ATP8B4: variants seen among roughly 807,000 people sequenced by gnomAD.
ATP8B4 encodes the protein probable phospholipid-transporting ATPase IM.
Under a neutral mutation model 145.6 loss-of-function variants are expected in ATP8B4, and 133 were observed. The observed-to-expected ratio is 0.91, with a 90% confidence interval of 0.79 to 1.05. The LOEUF is 1.05. Ranked by LOEUF, ATP8B4 falls within the 50% of genes least tolerant of loss-of-function variation. The pLI, the probability that ATP8B4 is intolerant of heterozygous loss-of-function variation, is 0.00. For synonymous variants in ATP8B4, 507 were observed against 492.9 expected (o/e 1.03, Z -0.38); for missense variants, 1,458 against 1,425.2 (o/e 1.02, Z -0.37).
At chr15:50,106,889 T>G in intron 2 of ATP8B4, 50 bp downstream of exon 2, 1 of 1,540,674 alleles carries the variant, frequency 6.5e-7, no homozygotes, top group Non-Finnish European at 8.8e-7. Flanking sequence ...AAAATTAAAA[T>G]TATATTTTTA....
chr15:50,059,031 A>C (rs1394218139), intron 3 of ATP8B4, among the ~76,000 whole-genome samples: 1 of 152,158 alleles, frequency 6.6e-6, no homozygotes, highest in East Asian at 1.9e-4. Flanking sequence ...ATAAAGTGCC[A>C]ATCTTTAATT....
intron 12 of ATP8B4, among the ~76,000 whole-genome samples, chr15:49,978,841 T>C (rs754658668): frequency 7.3e-5 from 11 of 151,348 alleles, no homozygotes; most frequent in Non-Finnish European, 1.3e-4. Flanking sequence ...TGTGTGTATG[T>C]GTTCTGTTTG....
chr15:49,989,694 G>T (rs917282061), intron 9 of ATP8B4, among the ~76,000 whole-genome samples: 1 of 150,152 alleles, frequency 6.7e-6, no homozygotes, highest in African/African-American at 2.5e-5. Flanking sequence ...GTGTGGTCTC[G>T]GTGATGTAAG....
intron 1 of ATP8B4, among the ~76,000 whole-genome samples, chr15:50,148,224 T>C (rs998400973): frequency 3.3e-5 from 5 of 152,108 alleles, no homozygotes; most frequent in Admixed American, 2.6e-4. Context: ...ACTCCAAAAA[T>C]GTTAATGTCA....
At chr15:49,871,723 T>C (rs997802605) in intron 25 of ATP8B4, among the ~76,000 whole-genome samples, 4 of 152,240 alleles carry the variant, frequency 2.6e-5, no homozygotes, top group Admixed American at 6.5e-5. Context: ...CCGTTAGGAA[T>C]GCAGTGGCAA....
At chr15:49,948,561 A>T (rs2042781933) in intron 14 of ATP8B4, among the ~76,000 whole-genome samples, 1 of 151,828 alleles carries the variant, frequency 6.6e-6, no homozygotes. Flanking sequence ...TAGCCTGTTG[A>T]GCTTTTTTTC....
chr15:50,044,662 A>G lies in ATP8B4; in HGVS notation c.232T>C (p.Phe78Leu). The G allele has an allele frequency of 6.2e-7, 1 of 1,613,574 alleles. No individual in the cohort carries two copies. The change falls in exon 5 of 28, where the codon TTT (phenylalanine) becomes CTT (leucine). Residue 78 changes from phenylalanine (F) to leucine (L), a missense_variant. Transcript: ENST00000284509. Reference sequence around the variant, plus strand: ...AGGACCAAAGGCACAATGGTGGTAAACCAGGTCAAGGAGGAAATTTCTGGA... The same window carrying G: ...AGGACCAAAGGCACAATGGTGGTAAGCCAGGTCAAGGAGGAAATTTCTGGA... ...LIPEISSLTW[F>L]TTIVPLVLVI... is the part of the protein sequence containing the mutation.
At chr15:49,907,189 G>C (rs1302635062) in intron 20 of ATP8B4, among the ~76,000 whole-genome samples, 1 of 152,126 alleles carries the variant, frequency 6.6e-6, no homozygotes, top group Non-Finnish European at 1.5e-5. Context: ...TAACAGGTGA[G>C]GCAATTGTAC....
intron 27 of ATP8B4, among the ~76,000 whole-genome samples, chr15:49,861,468 A>G (rs1277692378): frequency 6.7e-6 from 1 of 149,238 alleles, no homozygotes; most frequent in Non-Finnish European, 1.5e-5. Context: ...CTATCTATCT[A>G]TCTATCTACC....
At chr15:50,128,264 T>C (rs1374777826) in intron 1 of ATP8B4, among the ~76,000 whole-genome samples, 1 of 152,238 alleles carries the variant, frequency 6.6e-6, no homozygotes. Context: ...GAGCTGGCTT[T>C]AGAAACATCC....
chr15:49,927,458 A>G (rs1247871160), intron 16 of ATP8B4, among the ~76,000 whole-genome samples: 2 of 152,088 alleles, frequency 1.3e-5, no homozygotes, highest in African/African-American at 4.8e-5. Flanking sequence ...TCATGCAAAG[A>G]CTTTTCTGCC....
intron 14 of ATP8B4, among the ~76,000 whole-genome samples, chr15:49,946,638 C>T (rs893733156): frequency 5.3e-5 from 8 of 151,800 alleles, no homozygotes; most frequent in Admixed American, 2.0e-4. Flanking sequence ...CTGACTCTTC[C>T]TTCCTGTTTC....
At chr15:50,162,895 T>C (rs1057241008) in intron 1 of ATP8B4, among the ~76,000 whole-genome samples, 1 of 152,336 alleles carries the variant, frequency 6.6e-6, no homozygotes, top group South Asian at 2.1e-4. Context: ...TGATCAAGTC[T>C]GCTGTTAAGA....
chr15:50,054,210 C>G (rs1475649687), intron 3 of ATP8B4, among the ~76,000 whole-genome samples: 1 of 152,182 alleles, frequency 6.6e-6, no homozygotes, highest in Non-Finnish European at 1.5e-5. Flanking sequence ...ATGCTACTTG[C>G]CCAACATGAG....
intron 14 of ATP8B4, among the ~76,000 whole-genome samples, chr15:49,956,788 C>G (rs1439507185): frequency 1.3e-5 from 2 of 152,114 alleles, no homozygotes. Context: ...CTCAAACAAT[C>G]CTCCCACCTC....
chr15:50,103,735 T>C (rs2056509610), intron 2 of ATP8B4, among the ~76,000 whole-genome samples: 1 of 151,924 alleles, frequency 6.6e-6, no homozygotes, highest in Admixed American at 6.6e-5. Flanking sequence ...AAAACAATAC[T>C]AAAATTCATG....
intron 1 of ATP8B4, among the ~76,000 whole-genome samples, chr15:50,142,570 A>G (rs1322972856): frequency 2.0e-5 from 3 of 152,182 alleles, no homozygotes; most frequent in Non-Finnish European, 2.9e-5. Flanking sequence ...TTCATTTTGA[A>G]GAACATCTTG....
chr15:49,975,010 C>T (rs1427046185), intron 12 of ATP8B4, among the ~76,000 whole-genome samples: 1 of 152,130 alleles, frequency 6.6e-6, no homozygotes, highest in Non-Finnish European at 1.5e-5. Flanking sequence ...TATTCTCTTC[C>T]TCTTCAAAAA....
rs1352263405 is a variant in ATP8B4, at chr15:49,920,336, C to T, written c.1833G>A (p.Trp611Ter). The change falls in exon 18 of 28, where the codon TGG (tryptophan) becomes TGA (stop). Residue 611 changes from tryptophan (W) to a stop codon, truncating the protein, a stop_gained. Transcript: ENST00000284509. LOFTEE classifies it high-confidence loss of function. ...RDLDDKYFKEWHKMLEDANAA... is the reference protein window; with the variant it reads ...RDLDDKYFKE ...CATTCGCATCTTCAAGCATCTTATG[C>T]CACTCTTTAAAGTACTTGTCATCCA... 6.2e-7 allele frequency: 1 copy of T among 1,614,208 alleles called. No homozygotes were observed.
Sources: gnomAD v4.1 joint callset for allele counts (sites outside exome capture counted in the v4.1 genomes callset) on GRCh38, gnomAD v4.1.1 for gene constraint, MANE v1.5 for transcripts, NCBI Gene and HGNC (gene_info 2026-07-23, HGNC 2026-07-21) for gene names.